Variants in SRRM5 observed in about 807,000 individuals in gnomAD.
SRRM5 encodes serine/arginine repetitive matrix 5.
SRRM5 carries 1 observed loss-of-function variant against 1.3 expected under a neutral mutation model. The observed-to-expected ratio is 0.76, with a 90% CI of 0.27 to 3.59. The LOEUF is 3.59. Ranked by LOEUF, SRRM5 falls within the 30% of genes most tolerant of loss-of-function variation. SRRM5 has a pLI of 0.19. For missense variants in SRRM5, 875 were observed against 914.5 expected (o/e 0.96, Z 0.56); for synonymous variants, 275 against 320.2 (o/e 0.86, Z 1.51).
At position 43,612,468 on chromosome 19, in the gene SRRM5, GCA is replaced by G. The variant is rs891106608; in HGVS notation, c.354_355del (p.His118GlnfsTer4). 6.7e-5 allele frequency: 103 copies of G among 1,545,888 alleles called. No homozygotes were observed. The highest frequency in any genetic ancestry group is 8.5e-5 in the Non-Finnish European group (97 of 1,142,434). On this transcript the variant is annotated frameshift_variant, in exon 3 of 3. Transcript: ENST00000607544. LOFTEE classifies it low-confidence loss of function (END_TRUNC). The surrounding 1 kb of genome is among the most constrained non-coding windows in gnomAD (Gnocchi z 4.2). Reference sequence around the variant, plus strand: ...GACGTGAGATGCCACCAGCGGAGGGGCACACACAGCCGGGGTAGGACACCTGG... The same window carrying G: ...GACGTGAGATGCCACCAGCGGAGGGGCACACAGCCGGGGTAGGACACCTGG...
rs964889070 is a variant in SRRM5 at position 43,613,508 on chromosome 19, C to T, written c.1387C>T (p.Arg463Ter). The T allele has an allele frequency of 1.4e-5, 22 of 1,550,860 alleles. No individual in the cohort carries two copies. Among genetic ancestry groups the T allele is most frequent in the Admixed American group, 1.4e-4 (7 of 50,892 alleles). ...TCCCAACAAGGCAAGAGATCATAGC[C>T]GATCTAGAAGTCCCAACAAGGCGAG... Residue 463 changes from arginine to a stop codon, truncating the protein, a stop_gained, in exon 3 of 3, where the codon CGA becomes TGA. Transcript: ENST00000607544. LOFTEE classifies it low-confidence loss of function (END_TRUNC).
chr19:43,614,489 C>T lies in SRRM5; in HGVS notation c.*220C>T. 5 of 1,413,074 alleles carry T rather than the reference C, an allele frequency of 3.5e-6. No homozygotes were observed. Among genetic ancestry groups the T allele is most frequent in the Non-Finnish European group, 4.6e-6 (5 of 1,084,990 alleles). 87.5% of individuals were successfully genotyped at this position (1,413,074 alleles called of 1,614,324 possible). Reference sequence around the variant, plus strand: ...TGATTCAATAAATTTTTACATAGCACCCATCCCCACCAAGCCCAACTGTGT... The same window carrying T: ...TGATTCAATAAATTTTTACATAGCATCCATCCCCACCAAGCCCAACTGTGT... On this transcript the variant is annotated 3_prime_UTR_variant, in exon 1 of 1. Transcript: ENST00000417606.
chr19:43,613,741 C>T lies in SRRM5; in HGVS notation c.1620C>T (p.Asn540=). The T allele has an allele frequency of 6.4e-7, 1 of 1,551,556 alleles. No homozygotes were observed. The highest frequency in any genetic ancestry group is 8.7e-7 in the Non-Finnish European group (1 of 1,146,942). Residue 540 remains asparagine (N), a synonymous_variant, in exon 1 of 1, where the codon AAC becomes AAT. Transcript: ENST00000417606. ...AGCGCAGACAATCTAGAAGCCCCAA[C>T]AAGGAGAGAGATCGCAGCCAATCTA... ...ERQRRQSRSP[N]KERDRSQSRS...
Position 43,613,102 on chromosome 19 carries a change from A to G in SRRM5, c.981A>G (p.Gly327=). The change falls in exon 1 of 1, where the codon GGA becomes GGG. Residue 327 remains glycine, a synonymous_variant. Coordinates refer to ENST00000417606, the MANE Select transcript of SRRM5 (RefSeq NM_001145641.2). ...GGAAGGGAATTCTGAGCCAGATGGG[A>G]AGACACAGCCAGTCTAGAAGCCACA... The part of the protein sequence containing the change: ...RTRKGILSQM[G]RHSQSRSHSK... 6.4e-7 allele frequency: 1 copy of G among 1,551,650 alleles called. No individual in the cohort carries two copies. The highest frequency in any genetic ancestry group is 8.7e-7 in the Non-Finnish European group (1 of 1,146,978).
chr19:43,613,941 G>C lies in SRRM5; in HGVS notation c.1820G>C (p.Arg607Pro). Residue 607 changes from arginine to proline, a missense_variant, in exon 1 of 1, where the codon CGA becomes CCA. Coordinates refer to ENST00000417606, the MANE Select transcript of SRRM5 (RefSeq NM_001145641.2). ...RSPNKQSGYS[R>P]PRASSKEKAH... ...CCCAATAAGCAGAGTGGTTACAGTC[G>C]ACCTAGAGCCTCCAGCAAGGAGAAA... is the stretch of plus-strand genomic sequence containing the variant. 6.4e-7 allele frequency: 1 copy of C among 1,551,460 alleles called. No homozygotes were observed.
Position 43,612,415 on chromosome 19 carries a change from C to A in SRRM5, c.294C>A (p.Thr98=). ...CACCCAGCAGGGTGAGCACCGACAC[C>A]AGGACCAGCAAAGCCAGCAAGGCCA... ...ARTPSRVSTD[T]RTSKASKASD... is the part of the protein sequence containing the mutation. Residue 98 remains threonine, a synonymous_variant, in exon 1 of 1, where the codon ACC becomes ACA. Coordinates refer to ENST00000417606, the MANE Select transcript of SRRM5 (RefSeq NM_001145641.2). The surrounding 1 kb of genome is among the most constrained non-coding windows in gnomAD (Gnocchi z 4.2). The A allele has an allele frequency of 6.4e-7, 1 of 1,551,458 alleles. No homozygotes were observed. Among genetic ancestry groups the A allele is most frequent in the Non-Finnish European group, 8.7e-7 (1 of 1,146,924 alleles).
Position 43,614,470 on chromosome 19 carries a change from A to C in SRRM5, c.*201A>C. On this transcript the variant is annotated 3_prime_UTR_variant, in exon 1 of 1. Coordinates refer to ENST00000417606, the MANE Select transcript of SRRM5 (RefSeq NM_001145641.2). Reference sequence around the variant, plus strand: ...GGAAAGGAAAGACCTGTGATGATTCAATAAATTTTTACATAGCACCCATCC... The same window carrying C: ...GGAAAGGAAAGACCTGTGATGATTCCATAAATTTTTACATAGCACCCATCC... 7.0e-7 allele frequency: 1 copy of C among 1,429,066 alleles called. No homozygotes were observed. Among genetic ancestry groups the C allele is most frequent in the Non-Finnish European group, 9.1e-7 (1 of 1,096,604 alleles). 88.5% of individuals were successfully genotyped at this position (1,429,066 alleles called of 1,614,324 possible).
rs753520169 is a variant in SRRM5, at chr19:43,612,350, C to G, written c.229C>G (p.Arg77Gly). The change falls in exon 1 of 1, where the codon CGG becomes GGG. Residue 77 changes from arginine (R) to glycine (G), a missense_variant. Arg to Gly is a moderately radical substitution (Grantham distance 125). Coordinates refer to ENST00000417606, the MANE Select transcript of SRRM5 (RefSeq NM_001145641.2). The surrounding 1 kb of genome is among the most constrained non-coding windows in gnomAD (Gnocchi z 4.2). Reference sequence around the variant, plus strand: ...CAGTACAAAAAGAGCCCCTTCTAACCGGCCCAGCAGCAGGTCCCGAGTCCG... The same window carrying G: ...CAGTACAAAAAGAGCCCCTTCTAACGGGCCCAGCAGCAGGTCCCGAGTCCG... Reference protein sequence around the residue: ...STSTKRAPSNRPSSRSRVRSK... With the variant: ...STSTKRAPSNGPSSRSRVRSK... 1 of 1,551,568 alleles carries G rather than the reference C, an allele frequency of 6.4e-7. No homozygotes were observed. The highest frequency in any genetic ancestry group is 8.7e-7 in the Non-Finnish European group (1 of 1,147,000).
chr19:43,612,279 G>T lies in SRRM5; in HGVS notation c.158G>T (p.Arg53Leu). The T allele has an allele frequency of 6.4e-7, 1 of 1,551,612 alleles. No individual in the cohort carries two copies. The highest frequency in any genetic ancestry group is 8.7e-7 in the Non-Finnish European group (1 of 1,146,982). The change falls in exon 1 of 1, where the codon CGT (arginine) becomes CTT (leucine). Residue 53 changes from arginine (R) to leucine (L), a missense_variant. By Grantham distance (102) the Arg-to-Leu change is moderately radical. Coordinates refer to ENST00000417606, the MANE Select transcript of SRRM5 (RefSeq NM_001145641.2). The surrounding 1 kb of genome is among the most constrained non-coding windows in gnomAD (Gnocchi z 4.2). ...GTGCCCACCAAACCAGCGACATCCC[G>T]TAACTCAGTCATGAGCCCAAGCAGT... is the stretch of plus-strand genomic sequence containing the variant. ...SLVPTKPATS[R>L]NSVMSPSSSK...
At position 43,613,115 on chromosome 19, in the gene SRRM5, T is replaced by G; in HGVS notation, c.994T>G (p.Ser332Ala). The G allele has an allele frequency of 6.4e-7, 1 of 1,551,484 alleles. No homozygotes were observed. Among genetic ancestry groups the G allele is most frequent in the South Asian group, 1.2e-5 (1 of 84,052 alleles). Residue 332 changes from serine (S) to alanine (A), a missense_variant, in exon 1 of 1, where the codon TCT becomes GCT. Physicochemically the swap from Ser to Ala is moderately conservative, Grantham distance 99. Transcript: ENST00000417606. ...GAGCCAGATGGGAAGACACAGCCAG[T>G]CTAGAAGCCACAGCAAGGGGAAAAG... ...ILSQMGRHSQ[S>A]RSHSKGKSQN...
chr19:43,614,131 G>A lies in SRRM5; in HGVS notation c.2010G>A (p.Lys670=). 1 of 1,610,006 alleles carries A rather than the reference G, an allele frequency of 6.2e-7. No homozygotes were observed. The highest frequency in any genetic ancestry group is 8.5e-7 in the Non-Finnish European group (1 of 1,177,980). ...TCAGTCAGAATAGAACCCCTAGCAA[G>A]ACAAGCAGCCACTCCCCATCAACAT... ...SSLSQNRTPS[K]TSSHSPSTFP... Residue 670 remains lysine (K), a synonymous_variant, in exon 1 of 1, where the codon AAG becomes AAA. Transcript: ENST00000417606.
rs1209311664 is a variant in SRRM5 at position 43,613,749 on chromosome 19, G to C, written c.1628G>C (p.Arg543Thr). The stretch of plus-strand genomic sequence containing the variant: ...CAATCTAGAAGCCCCAACAAGGAGA[G>C]AGATCGCAGCCAATCTAGAAGCCCC... ...RRQSRSPNKE[R>T]DRSQSRSPSE... Residue 543 changes from arginine to threonine, a missense_variant, in exon 1 of 1, where the codon AGA becomes ACA. Coordinates refer to ENST00000417606, the MANE Select transcript of SRRM5 (RefSeq NM_001145641.2). 3.9e-6 allele frequency: 6 copies of C among 1,551,486 alleles called. No individual in the cohort carries two copies. The highest frequency in any genetic ancestry group is 1.4e-5 in the African/African-American group (1 of 73,012).
rs1196837062 is a variant in SRRM5 at position 43,612,261 on chromosome 19, C to G, written c.140C>G (p.Thr47Ser). 2.6e-6 allele frequency: 4 copies of G among 1,551,580 alleles called. No individual in the cohort carries two copies. Among genetic ancestry groups the G allele is most frequent in the Non-Finnish European group, 3.5e-6 (4 of 1,146,998 alleles). The change falls in exon 1 of 1, where the codon ACC becomes AGC. Residue 47 changes from threonine to serine, a missense_variant. Physicochemically the swap from Thr to Ser is moderately conservative, Grantham distance 58. Coordinates refer to ENST00000417606, the MANE Select transcript of SRRM5 (RefSeq NM_001145641.2). The surrounding 1 kb of genome is among the most constrained non-coding windows in gnomAD (Gnocchi z 4.2). ...ACACCCAACAGATCCTTAGTGCCCACCAAACCAGCGACATCCCGTAACTCA... is the reference window on the plus strand; with the variant it reads ...ACACCCAACAGATCCTTAGTGCCCAGCAAACCAGCGACATCCCGTAACTCA... ...SATPNRSLVP[T>S]KPATSRNSVM...
At position 43,613,968 on chromosome 19, in the gene SRRM5, CT is replaced by C; in HGVS notation, c.1848del (p.His617IlefsTer70). 2.6e-6 allele frequency: 4 copies of C among 1,551,490 alleles called. No individual in the cohort carries two copies. The highest frequency in any genetic ancestry group is 3.5e-6 in the Non-Finnish European group (4 of 1,146,942). ...CCTAGAGCCTCCAGCAAGGAGAAAG[CT>C]CATAGCCGATCTAGAACCCCCAGCA... On this transcript the variant is annotated frameshift_variant, in exon 3 of 3. Coordinates refer to the SRRM5 transcript ENST00000607544. LOFTEE classifies it low-confidence loss of function (END_TRUNC).
chr19:43,613,606 A>G lies in SRRM5; in HGVS notation c.1485A>G (p.Arg495=), dbSNP rs750581911. 37 of 1,548,784 alleles carry G rather than the reference A, an allele frequency of 2.4e-5. No individual in the cohort carries two copies. The highest frequency in any genetic ancestry group is 3.2e-5 in the Non-Finnish European group (37 of 1,145,554). The change falls in exon 1 of 1, where the codon AGA becomes AGG. Residue 495 remains arginine (R), a synonymous_variant. Coordinates refer to ENST00000417606, the MANE Select transcript of SRRM5 (RefSeq NM_001145641.2). ...HSQLGSPSKE[R]DHRRSRSPSK... is the part of the protein sequence containing the mutation. ...AACTTGGAAGCCCCAGCAAAGAGAG[A>G]GATCACAGACGATCTAGAAGCCCCA...
In SRRM5 at chr19:43,613,545, G is replaced by A. The variant is rs1188413507; in HGVS notation, c.1424G>A (p.Arg475Gln). 13 of 1,551,042 alleles carry A rather than the reference G, an allele frequency of 8.4e-6. No individual in the cohort carries two copies. Among genetic ancestry groups the A allele is most frequent in the East Asian group, 7.3e-5 (3 of 40,868 alleles). ...CCCAACAAGGCGAGAGATCGCAGCC[G>A]ATCTAGAAGCCCCAGCAAGGAAAGA... ...RSPNKARDRSRSRSPSKERDH... is the reference protein window; with the variant it reads ...RSPNKARDRSQSRSPSKERDH... The change falls in exon 1 of 1, where the codon CGA becomes CAA. Residue 475 changes from arginine (R) to glutamine (Q), a missense_variant. By Grantham distance (43) the Arg-to-Gln change is conservative (BLOSUM62 1). Coordinates refer to ENST00000417606, the MANE Select transcript of SRRM5 (RefSeq NM_001145641.2).
Position 43,613,702 on chromosome 19 carries a change from C to A in SRRM5, c.1581C>A (p.Pro527=), listed in dbSNP as rs1189690037. The A allele has an allele frequency of 6.4e-7, 1 of 1,551,448 alleles. No homozygotes were observed. Among genetic ancestry groups the A allele is most frequent in the Non-Finnish European group, 8.7e-7 (1 of 1,146,968 alleles). The change falls in exon 1 of 1, where the codon CCC becomes CCA. Residue 527 remains proline (P), a synonymous_variant. Coordinates refer to ENST00000417606, the MANE Select transcript of SRRM5 (RefSeq NM_001145641.2). Reference sequence around the variant, plus strand: ...GAGATCACAGACGATCTAGAAGCCCCAGCAAGGAGAGACAGCGCAGACAAT... The same window carrying A: ...GAGATCACAGACGATCTAGAAGCCCAAGCAAGGAGAGACAGCGCAGACAAT... ...KERDHRRSRS[P]SKERQRRQSR...
rs1397238413 is a variant in SRRM5 at position 43,612,811 on chromosome 19, G to A, written c.690G>A (p.Lys230=). 1 of 1,551,456 alleles carries A rather than the reference G, an allele frequency of 6.4e-7. No individual in the cohort carries two copies. The highest frequency in any genetic ancestry group is 1.4e-5 in the African/African-American group (1 of 73,026). Residue 230 remains lysine (K), a synonymous_variant, in exon 1 of 1, where the codon AAG becomes AAA. Coordinates refer to ENST00000417606, the MANE Select transcript of SRRM5 (RefSeq NM_001145641.2). The surrounding 1 kb of genome is among the most constrained non-coding windows in gnomAD (Gnocchi z 4.2). ...QTPTGIPSKE[K]SDNPSPSSSR... ...CGACTGGAATTCCCTCCAAGGAGAA[G>A]AGTGACAACCCATCTCCATCCTCAT... is the stretch of plus-strand genomic sequence containing the variant.
rs1005616382 is a variant in SRRM5 at position 43,612,554 on chromosome 19, A to T, written c.433A>T (p.Ile145Leu). ...SPSRASTPGRIRTHGARPGMA... is the reference protein window; with the variant it reads ...SPSRASTPGRLRTHGARPGMA... ...CAGCAGGGCCAGCACTCCTGGCAGG[A>T]TAAGAACTCATGGTGCCAGACCAGG... is the stretch of plus-strand genomic sequence containing the variant. The change falls in exon 1 of 1, where the codon ATA becomes TTA. Residue 145 changes from isoleucine to leucine, a missense_variant. Physicochemically the swap from Ile to Leu is conservative, Grantham distance 5 (BLOSUM62 2). Transcript: ENST00000417606. The surrounding 1 kb of genome is among the most constrained non-coding windows in gnomAD (Gnocchi z 4.2). 1 of 1,551,640 alleles carries T rather than the reference A, an allele frequency of 6.4e-7. No individual in the cohort carries two copies.
Sources: gnomAD v4.1 joint callset for allele counts on GRCh38, gnomAD v4.1.1 for gene constraint, Gnocchi (gnomAD v3.1) non-coding constraint, MANE v1.5 for transcripts, NCBI Gene and HGNC (gene_info 2026-07-23, HGNC 2026-07-21) for gene names.